The following TMEM145 variants were observed in gnomAD, a reference collection of about 807,000 sequenced individuals.
TMEM145 encodes transmembrane protein 145.
Under a neutral mutation model 68.5 loss-of-function variants are expected in TMEM145, and 46 were observed. The observed-to-expected ratio is 0.67, with a 90% CI of 0.53 to 0.86. The LOEUF (loss-of-function observed/expected upper bound fraction) is 0.86. Among genes scored for constraint, TMEM145 ranks in the 40% least tolerant of loss-of-function variants. The pLI is 0.00. For synonymous variants in TMEM145, 255 were observed against 280.2 expected (o/e 0.91, Z 0.90); for missense variants, 570 against 645.8 (o/e 0.88, Z 1.27).
At position 42,315,277 on chromosome 19, in the gene TMEM145, G is replaced by C; in HGVS notation, c.577+18G>C. 1.2e-6 allele frequency: 2 copies of C among 1,612,390 alleles called. No homozygotes were observed. Among genetic ancestry groups the C allele is most frequent in the East Asian group, 4.5e-5 (2 of 44,850 alleles). The stretch of plus-strand genomic sequence containing the variant: ...CTTTGGATGTGAGTCTGGCACATGG[G>C]GTGTGGGGGAAGAGATAGGAGGGAG... On this transcript the variant is annotated intron_variant, in intron 7 of 14. Transcript: ENST00000301204.
In TMEM145 at chr19:42,313,580, C is replaced by A; in HGVS notation, c.120+84C>A. ...GAGGGGAGCGGGTACCGCCTCGCCC[C>A]CTGCCGCCCCTCCTGGCGGACTCCG... On this transcript the variant is annotated intron_variant, in intron 1 of 14. Transcript: ENST00000301204. This position sits in a 1 kb window ranked among gnomAD's most constrained non-coding sequence, Gnocchi z 5.1. 1 of 1,072,830 alleles carries A rather than the reference C, an allele frequency of 9.3e-7. No individual in the cohort carries two copies. Among genetic ancestry groups the A allele is most frequent in the Non-Finnish European group, 1.2e-6 (1 of 837,362 alleles). 66.5% of individuals were successfully genotyped at this position (1,072,830 alleles called of 1,614,324 possible). A position where few individuals can be genotyped will look rare whatever the true frequency, so the allele number is the denominator to read the frequency against.
chr19:42,315,529 G>C, intron 8 of TMEM145, 89 bp downstream of exon 8: 1 of 1,407,076 alleles, frequency 7.1e-7, no homozygotes. Context: ...CTGGGGGCCT[G>C]GACTCCTGGG....
At position 42,317,700 on chromosome 19, in the gene TMEM145, C is replaced by G; in HGVS notation, c.901-9C>G. On this transcript the variant is annotated splice_polypyrimidine_tract_variant and intron_variant, in intron 11 of 14. Transcript: ENST00000301204. ...CCAGGCTGTGATGGACCCTCTCCTGCGGGTCTAGTTCTTTGACCCAGGCCA... is the reference window on the plus strand; with the variant it reads ...CCAGGCTGTGATGGACCCTCTCCTGGGGGTCTAGTTCTTTGACCCAGGCCA... 1 of 1,613,760 alleles carries G rather than the reference C, an allele frequency of 6.2e-7. No homozygotes were observed. Among genetic ancestry groups the G allele is most frequent in the Non-Finnish European group, 8.5e-7 (1 of 1,179,752 alleles).
intron 14 of TMEM145, chr19:42,324,128 C>A: frequency 1.8e-6 from 1 of 541,476 alleles, no homozygotes; most frequent in Non-Finnish European, 2.4e-6. Context: ...CCCCGCTGCC[C>A]AGGCGCCCCG....
intron 8 of TMEM145, 79 bp from the exon 9 acceptor site, chr19:42,316,401 TG>T: frequency 1.5e-6 from 2 of 1,368,220 alleles, no homozygotes; most frequent in Non-Finnish European, 2.1e-6. Context: ...GGATTCAGAC[TG>T]CCTGGATGGT....
chr19:42,313,458 C>A lies in TMEM145; in HGVS notation c.82C>A (p.Arg28=), dbSNP rs757659605. ...LLLLSLPPRA[R]AKYVRGNLSS... ...GCTGCTGTCACTGCCCCCCCGCGCC[C>A]GGGCCAAGTACGTGCGGGGCAACCT... The change falls in exon 1 of 15, where the codon CGG becomes AGG. Residue 28 remains arginine, a synonymous_variant. Coordinates refer to ENST00000301204, the MANE Select transcript of TMEM145 (RefSeq NM_173633.3). The surrounding 1 kb of genome is among the most constrained non-coding windows in gnomAD (Gnocchi z 5.1). 870 of 1,368,132 alleles carry A rather than the reference C, an allele frequency of 6.4e-4. 1 individual carries two copies. The highest frequency in any genetic ancestry group is 7.8e-4 in the Non-Finnish European group (825 of 1,056,866). 84.7% of individuals were successfully genotyped at this position (1,368,132 alleles called of 1,614,324 possible). A position where few individuals can be genotyped will look rare whatever the true frequency, so the allele number is the denominator to read the frequency against.
Position 42,324,722 on chromosome 19 carries a change from C to G in TMEM145, c.1402-15C>G, listed in dbSNP as rs997678998. 4.7e-6 allele frequency: 7 copies of G among 1,491,730 alleles called. No homozygotes were observed. The highest frequency in any genetic ancestry group is 6.2e-6 in the Non-Finnish European group (7 of 1,127,096). The allele number at this position is 1,491,730 out of a possible 1,614,324, so 92.4% of individuals were successfully genotyped here. A position where few individuals can be genotyped will look rare whatever the true frequency, so the allele number is the denominator to read the frequency against. ...ACGGTCCCGCGGGAGCCGCTCTCCC[C>G]GTCCCCTCCCTCAGCCCCTGCCCCG... is the stretch of plus-strand genomic sequence containing the variant. On this transcript the variant is annotated splice_polypyrimidine_tract_variant and intron_variant, in intron 14 of 14. Transcript: ENST00000301204.
In TMEM145 at chr19:42,315,064, C is replaced by A; in HGVS notation, c.492C>A (p.Ser164=). ...NGKSFWTRHF[S]ADEFGILETD... ...AGTCCTTCTGGACACGACACTTCTC[C>A]GCTGATGAGTTTGGTGAGCACGTGG... The change falls in exon 6 of 15, where the codon TCC becomes TCA. Residue 164 remains serine, a synonymous_variant. Transcript: ENST00000301204. The A allele has an allele frequency of 6.2e-7, 1 of 1,614,138 alleles. No individual in the cohort carries two copies. The highest frequency in any genetic ancestry group is 8.5e-7 in the Non-Finnish European group (1 of 1,180,020).
In TMEM145 at chr19:42,314,289, A is replaced by G. The variant is rs763802128; in HGVS notation, c.138A>G (p.Thr46=). ...LSSKEDWVFL[T]RFCFLSDYGR... The stretch of plus-strand genomic sequence containing the variant: ...TTTTTCAGGACTGGGTGTTCCTGAC[A>G]AGATTTTGTTTCCTCTCGGATTACG... Residue 46 remains threonine (T), a synonymous_variant, in exon 2 of 15, where the codon ACA becomes ACG. Coordinates refer to ENST00000301204, the MANE Select transcript of TMEM145 (RefSeq NM_173633.3). 2 of 1,613,978 alleles carry G rather than the reference A, an allele frequency of 1.2e-6. No homozygotes were observed. The highest frequency in any genetic ancestry group is 1.7e-5 in the Admixed American group (1 of 60,000).
rs746941206 is a variant in TMEM145 at position 42,324,812 on chromosome 19, C to T, written c.1477C>T (p.Leu493Phe). 6.4e-7 allele frequency: 1 copy of T among 1,566,886 alleles called. No homozygotes were observed. Among genetic ancestry groups the T allele is most frequent in the Non-Finnish European group, 8.6e-7 (1 of 1,163,054 alleles). ...CCGGCCCCCTGGCCCCCTTCGAGAC[C>T]TCTGACCCCGCTGGACTCCGGAACA... ...DLRPPGPLRD[L>F] The change falls in exon 15 of 15, where the codon CTC (leucine) becomes TTC (phenylalanine). Residue 493 changes from leucine (L) to phenylalanine (F), a missense_variant. Leu to Phe is a conservative substitution (Grantham distance 22, BLOSUM62 0). Transcript: ENST00000301204.
chr19:42,323,083 G>C (rs1052396683), intron 13 of TMEM145, among the ~76,000 whole-genome samples: 5 of 152,200 alleles, frequency 3.3e-5, no homozygotes, highest in African/African-American at 1.2e-4. Context: ...GAAGAGTCTG[G>C]TTCCTGCCTC....
rs142071177 is a variant in TMEM145, at chr19:42,318,976, C to T, written c.1073+1095C>T. The stretch of plus-strand genomic sequence containing the variant: ...GTGCACGCCTGTACTGCCAGTTACT[C>T]GGGAAGCTGAAGCAGGAGAATAGCT... On this transcript the variant is annotated intron_variant, in intron 12 of 14. Transcript: ENST00000301204. Among the ~76,000 whole-genome samples, 1,350 of 152,072 alleles carry T rather than the reference C, an allele frequency of 8.9e-3. 8 individuals carry two copies. The highest frequency in any genetic ancestry group is 0.017 in the Middle Eastern group (5 of 294).
Position 42,313,366 on chromosome 19 carries a change from G to A in TMEM145, c.-11G>A, listed in dbSNP as rs892909179. 2 of 1,105,086 alleles carry A rather than the reference G, an allele frequency of 1.8e-6. No homozygotes were observed. The highest frequency in any genetic ancestry group is 1.2e-6 in the Non-Finnish European group (1 of 854,274). 68.5% of individuals were successfully genotyped at this position (1,105,086 alleles called of 1,614,324 possible). A position where few individuals can be genotyped will look rare whatever the true frequency, so the allele number is the denominator to read the frequency against. ...GGGAGCCGGAGCGGAGCCGGGGCCG[G>A]AGCGGGCGGAATGGAGCCCCTGCGC... On this transcript the variant is annotated 5_prime_UTR_variant, in exon 1 of 15. Coordinates refer to ENST00000301204, the MANE Select transcript of TMEM145 (RefSeq NM_173633.3). The surrounding 1 kb of genome is among the most constrained non-coding windows in gnomAD (Gnocchi z 5.1).
chr19:42,322,604 C>T (rs750546440), intron 13 of TMEM145, among the ~76,000 whole-genome samples: 9 of 152,102 alleles, frequency 5.9e-5, no homozygotes, highest in Non-Finnish European at 1.2e-4. Flanking sequence ...CGGGATATGG[C>T]GGTGGAGTCA....
Position 42,314,447 on chromosome 19 carries a change from G to A in TMEM145, c.196-4G>A. On this transcript the variant is annotated splice_polypyrimidine_tract_variant and splice_region_variant and intron_variant, in intron 2 of 14. Transcript: ENST00000301204. ...TCCCGGTCCCCAACATCTCTGGTCT[G>A]CAGGCCAAGTGCTGTCAGAACATCC... 6.2e-7 allele frequency: 1 copy of A among 1,614,190 alleles called. No homozygotes were observed. Among genetic ancestry groups the A allele is most frequent in the Non-Finnish European group, 8.5e-7 (1 of 1,180,036 alleles).
chr19:42,322,102 C>T (rs1015242109), intron 13 of TMEM145, among the ~76,000 whole-genome samples: 4 of 152,318 alleles, frequency 2.6e-5, no homozygotes, highest in Middle Eastern at 3.4e-3. Context: ...CAACGTACCC[C>T]GTGTAGGGAG....
intron 10 of TMEM145, 25 bp from the exon 11 acceptor site, chr19:42,316,845 G>A (rs1568547383): frequency 1.2e-6 from 2 of 1,612,408 alleles, no homozygotes; most frequent in Non-Finnish European, 1.7e-6. Context: ...CCACCCTGCT[G>A]TCTCCCCTCA....
chr19:42,320,002 G>A lies in TMEM145; in HGVS notation c.1074-315G>A, dbSNP rs1363118317. The stretch of plus-strand genomic sequence containing the variant: ...TCGAACTCCCAACCTCAGGTGATCT[G>A]CCTGCCTTGGCCTCCCAAAGTGCTG... On this transcript the variant is annotated intron_variant, in intron 12 of 14. Coordinates refer to ENST00000301204, the MANE Select transcript of TMEM145 (RefSeq NM_173633.3). Among the ~76,000 whole-genome samples the A allele has an allele frequency of 2.0e-5, 3 of 151,384 alleles. 1 individual carries two copies. Among genetic ancestry groups the A allele is most frequent in the African/African-American group, 7.3e-5 (3 of 41,224 alleles).
rs1449590395 is a variant in TMEM145 at position 42,323,580 on chromosome 19, C to T, written c.1195-3C>T. On this transcript the variant is annotated splice_polypyrimidine_tract_variant and splice_region_variant and intron_variant, in intron 13 of 14. Transcript: ENST00000301204. ...TCACACCTGCTCCTGGCCCTGGCCT[C>T]AGATCATGACCCGCCCATCAGCGGC... 6.2e-6 allele frequency: 10 copies of T among 1,613,642 alleles called. No individual in the cohort carries two copies. Among genetic ancestry groups the T allele is most frequent in the Admixed American group, 1.7e-5 (1 of 60,000 alleles).
Sources: allele counts gnomAD v4.1 joint callset (sites outside exome capture counted in the v4.1 genomes callset), GRCh38; gene constraint gnomAD v4.1.1; non-coding constraint Gnocchi (gnomAD v3.1); transcripts MANE v1.5; gene names NCBI Gene and HGNC (gene_info 2026-07-23, HGNC 2026-07-21).